CCSER1: variants seen among roughly 807,000 people sequenced by gnomAD.
The protein encoded by CCSER1 is coiled-coil serine rich protein 1.
A neutral mutation model predicts 82.0 loss-of-function variants in CCSER1; 41 were observed. That is an observed-to-expected ratio of 0.50 (90% CI 0.39 to 0.65). The LOEUF (loss-of-function observed/expected upper bound fraction) is 0.65, where lower values mean the gene tolerates loss of function less well. CCSER1 is among the 30% of genes least tolerant of loss of function. The pLI is 0.00. For missense variants in CCSER1, 1,119 were observed against 1,064.2 expected, an observed-to-expected ratio of 1.05 and a Z score of -0.72; for synonymous variants, 414 against 383.9, an observed-to-expected ratio of 1.08 and a Z score of -0.92.
intron 10 of CCSER1, among the ~76,000 whole-genome samples, chr4:91,356,796 G>C (rs1199257584): frequency 2.6e-5 from 4 of 152,146 alleles, no homozygotes; most frequent in African/African-American, 9.7e-5. Flanking sequence ...ACTTAGTGTT[G>C]GGAGACGGAA....
intron 10 of CCSER1, among the ~76,000 whole-genome samples, chr4:91,354,201 T>G (rs1216130378): frequency 6.6e-6 from 1 of 152,204 alleles, no homozygotes; most frequent in Non-Finnish European, 1.5e-5. Flanking sequence ...AGCCATCTTG[T>G]GCCTAAGTGG....
chr4:91,470,940 C>A (rs913111175), intron 10 of CCSER1, among the ~76,000 whole-genome samples: 16 of 152,232 alleles, frequency 1.1e-4, no homozygotes, highest in African/African-American at 3.9e-4. Flanking sequence ...AAACTCATTC[C>A]TGCATATTCT....
intron 10 of CCSER1, among the ~76,000 whole-genome samples, chr4:91,508,640 A>T (rs565562063): frequency 1.3e-5 from 2 of 149,842 alleles, no homozygotes; most frequent in Non-Finnish European, 3.0e-5. Flanking sequence ...TGAAGGATTT[A>T]TTCCTATTCT....
At chr4:90,224,784 T>C (rs1448551157) in intron 1 of CCSER1, among the ~76,000 whole-genome samples, 1 of 152,224 alleles carries the variant, frequency 6.6e-6, no homozygotes, top group African/African-American at 2.4e-5. Flanking sequence ...TGCAGAGGGA[T>C]GTGCCAGTTT....
At chr4:91,080,418 G>A (rs147349699) in intron 9 of CCSER1, among the ~76,000 whole-genome samples, 5,619 of 152,272 alleles carry the variant, frequency 0.037, 329 homozygotes, top group African/African-American at 0.13. Flanking sequence ...ATTCAAAGCA[G>A]TGTGTAGAGG....
intron 10 of CCSER1, among the ~76,000 whole-genome samples, chr4:91,283,540 C>G (rs72877077): frequency 0.021 from 3,162 of 152,128 alleles, 114 homozygotes; most frequent in African/African-American, 0.072. Context: ...CACAAAACTT[C>G]CTGTCAAATT....
At chr4:91,415,949 A>G (rs1753335817) in intron 10 of CCSER1, among the ~76,000 whole-genome samples, 1 of 151,870 alleles carries the variant, frequency 6.6e-6, no homozygotes, top group Admixed American at 6.6e-5. Context: ...CTCATTTTCA[A>G]TTGTTTGGAA....
chr4:90,491,119 C>G (rs898997082), intron 5 of CCSER1, among the ~76,000 whole-genome samples: 72 of 152,186 alleles, frequency 4.7e-4, no homozygotes, highest in African/African-American at 1.5e-3. Flanking sequence ...GGCAGTATGG[C>G]CATTTTCACG....
intron 5 of CCSER1, among the ~76,000 whole-genome samples, chr4:90,507,553 AG>A (rs1310283150): frequency 2.0e-5 from 3 of 152,122 alleles, no homozygotes; most frequent in Non-Finnish European, 2.9e-5. Flanking sequence ...ATATAGAGGT[AG>A]AAAAAGACAA....
chr4:90,470,779 A>AAC (rs1764280926), intron 5 of CCSER1, among the ~76,000 whole-genome samples: 1 of 150,736 alleles, frequency 6.6e-6, no homozygotes, highest in African/African-American at 2.5e-5. Context: ...AAAAAAAAAA[A>AAC]AACAAAACAC....
intron 1 of CCSER1, among the ~76,000 whole-genome samples, chr4:90,277,716 T>A (rs931227183): frequency 6.6e-5 from 10 of 150,856 alleles, no homozygotes; most frequent in African/African-American, 2.4e-4. Context: ...GCCCTCAAAA[T>A]AAAAAAAAAT....
intron 5 of CCSER1, among the ~76,000 whole-genome samples, chr4:90,626,182 CA>C (rs1020063293): frequency 3.3e-5 from 5 of 152,118 alleles, no homozygotes; most frequent in African/African-American, 1.2e-4. Flanking sequence ...TCGATGATTA[CA>C]ACAAATTGTG....
chr4:91,261,592 T>C (rs541750786), intron 10 of CCSER1, among the ~76,000 whole-genome samples: 1 of 152,272 alleles, frequency 6.6e-6, no homozygotes, highest in East Asian at 1.9e-4. Context: ...CTTCCACAAA[T>C]AATGCTACCT....
intron 5 of CCSER1, among the ~76,000 whole-genome samples, chr4:90,622,804 A>G (rs561679738): frequency 1.0e-3 from 159 of 152,086 alleles, no homozygotes; most frequent in African/African-American, 3.7e-3. Flanking sequence ...GCTGGGTCAA[A>G]TGGTATTTCT....
In CCSER1 at chr4:90,581,607, G is replaced by A. The variant is rs187784250; in HGVS notation, c.1725-46418G>A. On this transcript the variant is annotated intron_variant, in intron 5 of 10. Transcript: ENST00000509176. The stretch of plus-strand genomic sequence containing the variant: ...TAAATTGTCAAGAATTATTTTGGGG[G>A]AAATCCCTTTAATGGAAATAACTTA... Among the ~76,000 whole-genome samples the A allele has an allele frequency of 3.0e-3, 460 of 152,172 alleles. 3 individuals carry two copies. The highest frequency in any genetic ancestry group is 4.9e-3 in the Non-Finnish European group (334 of 67,996).
At chr4:90,625,344 A>G (rs759153484) in intron 5 of CCSER1, among the ~76,000 whole-genome samples, 2 of 152,216 alleles carry the variant, frequency 1.3e-5, no homozygotes, top group Non-Finnish European at 2.9e-5. Flanking sequence ...CAAAACATTA[A>G]TATTCAATAC....
chr4:90,363,099 T>C (rs748644862), intron 3 of CCSER1, among the ~76,000 whole-genome samples: 2 of 152,108 alleles, frequency 1.3e-5, no homozygotes, highest in Non-Finnish European at 2.9e-5. Flanking sequence ...TATAGAAAGC[T>C]TACCTAAGAT....
chr4:91,139,732 TTA>T (rs1728846169), intron 10 of CCSER1, among the ~76,000 whole-genome samples: 1 of 152,168 alleles, frequency 6.6e-6, no homozygotes, highest in African/African-American at 2.4e-5. Context: ...ATTTTGGAAA[TTA>T]TGTTAAACAC....
rs1439972393 is a variant in CCSER1 at position 91,602,522 on chromosome 4, A to G, written c.*3465A>G. On this transcript the variant is annotated 3_prime_UTR_variant, in exon 11 of 11. Coordinates refer to ENST00000509176, the MANE Select transcript of CCSER1 (RefSeq NM_001145065.2). ...GCTGAATGGTTAGGATTATCTCTGC[A>G]CATCATTCGTCATCATCAGCTTCTC... Among the ~76,000 whole-genome samples the G allele has an allele frequency of 6.6e-6, 1 of 152,066 alleles. No homozygotes were observed. The highest frequency in any genetic ancestry group is 2.4e-5 in the African/African-American group (1 of 41,448).
Sources: allele counts gnomAD v4.1 joint callset (sites outside exome capture counted in the v4.1 genomes callset), GRCh38; gene constraint gnomAD v4.1.1; transcripts MANE v1.5; gene names NCBI Gene and HGNC (gene_info 2026-07-23, HGNC 2026-07-21).